Variants in PFKFB4 observed in about 807,000 individuals in gnomAD.
PFKFB4 encodes 6-phosphofructo-2-kinase/fructose-2,6-biphosphatase 4, also known as 6-phosphofructo-2-kinase/fructose-2,6-bisphosphatase 4.
PFKFB4 carries 42 observed loss-of-function variants against 62.8 expected under a neutral mutation model. The observed-to-expected ratio is 0.67, with a 90% CI of 0.52 to 0.86. The LOEUF is 0.86. Among genes scored for constraint, PFKFB4 ranks in the 40% least tolerant of loss-of-function variants. The pLI is 0.00. For missense variants in PFKFB4, 475 were observed against 627.2 expected, an observed-to-expected ratio of 0.76 and a Z score of 2.59; for synonymous variants, 204 against 240.7, an observed-to-expected ratio of 0.85 and a Z score of 1.41.
rs149469387 is a variant in PFKFB4, at chr3:48,556,450, T to G, written c.97+231A>C. On this transcript the variant is annotated intron_variant, in intron 1 of 13. Transcript: ENST00000232375. The surrounding 1 kb of genome is among the most constrained non-coding windows in gnomAD (Gnocchi z 5.7). Reference sequence around the variant, plus strand: ...CCAGACCTAGCCACCGCCAAGCCGATATGCCCCCACACACCTGTCCCCGCC... The same window carrying G: ...CCAGACCTAGCCACCGCCAAGCCGAGATGCCCCCACACACCTGTCCCCGCC... Among the ~76,000 whole-genome samples the G allele has an allele frequency of 1.3e-5, 2 of 152,148 alleles. No homozygotes were observed. The highest frequency in any genetic ancestry group is 2.9e-5 in the Non-Finnish European group (2 of 67,972).
chr3:48,544,031 T>C (rs1417028700), intron 3 of PFKFB4, among the ~76,000 whole-genome samples: 3 of 150,884 alleles, frequency 2.0e-5, no homozygotes, highest in South Asian at 2.1e-4. Flanking sequence ...TTTATTTTTT[T>C]TGAGACTGAG....
At chr3:48,551,471 C>T (rs1234241328) in intron 1 of PFKFB4, among the ~76,000 whole-genome samples, 2 of 140,094 alleles carry the variant, frequency 1.4e-5, no homozygotes, top group Non-Finnish European at 3.1e-5. Context: ...ACTGCCTGGG[C>T]CTCCCAAAGT....
chr3:48,528,963 C>T (rs1387705859), intron 9 of PFKFB4, among the ~76,000 whole-genome samples: 1 of 152,182 alleles, frequency 6.6e-6, no homozygotes, highest in African/African-American at 2.4e-5. Context: ...TGTTCTAAAA[C>T]TGATTGTGGT....
At chr3:48,546,175 A>T (rs2042957845) in intron 3 of PFKFB4, among the ~76,000 whole-genome samples, 1 of 152,120 alleles carries the variant, frequency 6.6e-6, no homozygotes, top group Non-Finnish European at 1.5e-5. Flanking sequence ...CCCATGTATG[A>T]GCACAGGTGC....
chr3:48,558,253 G>A (rs919568909), upstream of PFKFB4, among the ~76,000 whole-genome samples: 9 of 151,822 alleles, frequency 5.9e-5, no homozygotes, highest in African/African-American at 2.2e-4. Context: ...CCGCCTCCTC[G>A]GGATCCCCAG....
At chr3:48,544,517 G>C (rs1183672067) in intron 3 of PFKFB4, among the ~76,000 whole-genome samples, 1 of 142,020 alleles carries the variant, frequency 7.0e-6, no homozygotes, top group African/African-American at 2.7e-5. Flanking sequence ...GTGGGATCAT[G>C]CCTCACTGCA....
In PFKFB4 at chr3:48,535,348, C is replaced by G. The variant is rs570200365; in HGVS notation, c.987+164G>C. On this transcript the variant is annotated intron_variant, in intron 9 of 13. Transcript: ENST00000232375. ...GTCTAGGGCTCACCCAAGGTCCCAT[C>G]CTGTTAGGCTGCCTTTTCCTCTCTG... 7.9e-5 allele frequency among the ~76,000 whole-genome samples: 12 copies of G among 152,276 alleles called. No individual in the cohort carries two copies. The East Asian group carries it at 2.3e-3, about 29-fold the overall frequency.
At chr3:48,546,751 A>G (rs1000696306) in intron 3 of PFKFB4, among the ~76,000 whole-genome samples, 13 of 152,146 alleles carry the variant, frequency 8.5e-5, no homozygotes, top group African/African-American at 3.1e-4. Flanking sequence ...GTTTATGTTG[A>G]TTATCTGCTT....
chr3:48,527,218 A>T (rs960658614), intron 9 of PFKFB4, among the ~76,000 whole-genome samples: 8 of 149,670 alleles, frequency 5.3e-5, no homozygotes, highest in Non-Finnish European at 3.0e-5. Context: ...TAAGCCACTC[A>T]CCTGTAGTGC....
intron 1 of PFKFB4, among the ~76,000 whole-genome samples, chr3:48,551,005 G>A (rs1357247472): frequency 6.6e-6 from 1 of 152,166 alleles, no homozygotes; most frequent in Non-Finnish European, 1.5e-5. Context: ...GTTGAGACCA[G>A]AGACCCAGAC....
chr3:48,529,625 A>T (rs149345063), intron 9 of PFKFB4, among the ~76,000 whole-genome samples: 44 of 152,334 alleles, frequency 2.9e-4, no homozygotes, highest in African/African-American at 1.0e-3. Flanking sequence ...ACCCCCACCA[A>T]GCACAAAATG....
chr3:48,522,009 TCA>T lies in PFKFB4; in HGVS notation c.1325_1326del (p.Val442GlufsTer37), dbSNP rs1560148636. Reference sequence around the variant, plus strand: ...ACCTGAGGCCTGTCCCGGTGCGTGTTCACAGCAGCCACGTTCAGGAATATGGA... The same window carrying T: ...ACCTGAGGCCTGTCCCGGTGCGTGTTCAGCAGCCACGTTCAGGAATATGGA... ...VESIFLNVAA[V>X]NTHRDRPQNV... On this transcript the variant is annotated frameshift_variant, in exon 13 of 14. Coordinates refer to ENST00000232375, the MANE Select transcript of PFKFB4 (RefSeq NM_004567.4). LOFTEE classifies it high-confidence loss of function. 15 of 1,614,028 alleles carry T rather than the reference TCA, an allele frequency of 9.3e-6. No homozygotes were observed. Among genetic ancestry groups the T allele is most frequent in the Non-Finnish European group, 1.3e-5 (15 of 1,180,030 alleles).
intron 6 of PFKFB4, 87 bp downstream of exon 6, chr3:48,539,167 T>G (rs948893965): frequency 1.1e-5 from 11 of 1,006,250 alleles, no homozygotes; most frequent in Non-Finnish European, 1.6e-5. Context: ...CCCACAAGGT[T>G]CAAGATCAAA....
At chr3:48,545,246 C>T (rs1285950207) in intron 3 of PFKFB4, among the ~76,000 whole-genome samples, 2 of 152,110 alleles carry the variant, frequency 1.3e-5, no homozygotes, top group East Asian at 1.9e-4. Context: ...ATTATCCTGC[C>T]TCAGCCTCTC....
intron 11 of PFKFB4, 40 bp from the exon 12 acceptor site, chr3:48,523,639 C>T (rs2042166150): frequency 6.2e-7 from 1 of 1,613,646 alleles, no homozygotes; most frequent in East Asian, 2.2e-5. Flanking sequence ...ACCAGAAATG[C>T]CTGGTGACAG....
intron 3 of PFKFB4, among the ~76,000 whole-genome samples, chr3:48,547,130 T>G (rs560177356): frequency 6.6e-6 from 1 of 152,334 alleles, no homozygotes; most frequent in African/African-American, 2.4e-5. Context: ...ACACCATGTA[T>G]GAGCGTGCTC....
At chr3:48,557,195 C>G (rs2043350934), upstream of PFKFB4, among the ~76,000 whole-genome samples, 1 of 152,356 alleles carries the variant, frequency 6.6e-6, no homozygotes, top group Non-Finnish European at 1.5e-5. Flanking sequence ...CATCCCTGAG[C>G]AGCGGCACGC....
At chr3:48,537,601 A>G (rs2042665018) in intron 7 of PFKFB4, among the ~76,000 whole-genome samples, 1 of 142,724 alleles carries the variant, frequency 7.0e-6, no homozygotes, top group Non-Finnish European at 1.5e-5. Context: ...GCAACTCACT[A>G]CAGCCTTGAC....
intron 7 of PFKFB4, among the ~76,000 whole-genome samples, chr3:48,537,306 C>T (rs13091944): frequency 0.046 from 7,030 of 152,078 alleles, 220 homozygotes; most frequent in East Asian, 0.11. Context: ...CAACAGAAGC[C>T]GCTCCAGACA....
Sources: allele counts gnomAD v4.1 joint callset (sites outside exome capture counted in the v4.1 genomes callset), GRCh38; gene constraint gnomAD v4.1.1; non-coding constraint Gnocchi (gnomAD v3.1); transcripts MANE v1.5; gene names NCBI Gene and HGNC (gene_info 2026-07-23, HGNC 2026-07-21).